WIPF3: variants seen among roughly 807,000 people sequenced by gnomAD.
WIPF3 encodes the protein WAS/WASL-interacting protein family member 3.
A neutral mutation model predicts 38.9 loss-of-function variants in WIPF3; 33 were observed. The observed-to-expected ratio is 0.85, with a 90% CI of 0.64 to 1.14. WIPF3 has a LOEUF of 1.14. WIPF3 is among the 50% of genes most tolerant of loss of function. The pLI is 0.00. For synonymous variants in WIPF3, 324 were observed against 269.3 expected (o/e 1.20, Z -1.99); for missense variants, 711 against 652.5 (o/e 1.09, Z -0.98).
chr7:29,817,511 A>G (rs1784474477), intron 1 of WIPF3, among the ~76,000 whole-genome samples: 1 of 152,264 alleles, frequency 6.6e-6, no homozygotes, highest in Non-Finnish European at 1.5e-5. Context: ...CTTGCAATTT[A>G]ATGTAAGGCA....
intron 4 of WIPF3, among the ~76,000 whole-genome samples, chr7:29,882,090 A>T (rs1471732871): frequency 6.6e-6 from 1 of 152,212 alleles, no homozygotes; most frequent in Non-Finnish European, 1.5e-5. Context: ...GCATGTTAGG[A>T]TAAAAATGAG....
chr7:29,902,144 C>A lies in WIPF3; in HGVS notation c.1352-2142C>A, dbSNP rs539118979. On this transcript the variant is annotated intron_variant, in intron 7 of 8. Transcript: ENST00000242140. ...TGTCAATAAAGCCAAGATTGCAGACCCCTGGCCTAGAAGGTCTTTCTGTAG... is the reference window on the plus strand; with the variant it reads ...TGTCAATAAAGCCAAGATTGCAGACACCTGGCCTAGAAGGTCTTTCTGTAG... Among the ~76,000 whole-genome samples the A allele has an allele frequency of 1.5e-3, 234 of 152,114 alleles. 2 individuals carry two copies. Among genetic ancestry groups the A allele is most frequent in the African/African-American group, 5.4e-3 (223 of 41,504 alleles).
rs1386012519 is a variant in WIPF3, at chr7:29,884,167, C to T, written c.673C>T (p.Pro225Ser). The T allele has an allele frequency of 1.3e-6, 2 of 1,529,240 alleles. No homozygotes were observed. The highest frequency in any genetic ancestry group is 2.5e-5 in the East Asian group (1 of 40,484). 94.7% of individuals were successfully genotyped at this position (1,529,240 alleles called of 1,614,324 possible). Residue 225 changes from proline to serine, a missense_variant, in exon 5 of 9, where the codon CCT (proline) becomes TCT (serine). Pro to Ser is a moderately conservative substitution (Grantham distance 74, BLOSUM62 -1). Transcript: ENST00000242140. Reference sequence around the variant, plus strand: ...ACCCCCCGTCCCCTGTGCGCCACCACCTCCACCTCCGCCACCTCCCCCAAC... The same window carrying T: ...ACCCCCCGTCCCCTGTGCGCCACCATCTCCACCTCCGCCACCTCCCCCAAC... Reference protein sequence around the residue: ...VAPPVPCAPPPPPPPPPPTPP... With the variant: ...VAPPVPCAPPSPPPPPPPTPP...
chr7:29,901,214 G>A (rs1346855790), intron 7 of WIPF3, among the ~76,000 whole-genome samples: 1 of 152,102 alleles, frequency 6.6e-6, no homozygotes, highest in Non-Finnish European at 1.5e-5. Context: ...AAGCCCTTCT[G>A]TGGGAAGGGA....
Position 29,884,487 on chromosome 7 carries a change from C to T in WIPF3, c.993C>T (p.Pro331=). The T allele has an allele frequency of 6.4e-7, 1 of 1,572,360 alleles. No homozygotes were observed. Among genetic ancestry groups the T allele is most frequent in the Non-Finnish European group, 8.6e-7 (1 of 1,160,008 alleles). Residue 331 remains proline (P), a synonymous_variant, in exon 5 of 9, where the codon CCC becomes CCT. Transcript: ENST00000242140. The stretch of plus-strand genomic sequence containing the variant: ...CACCCCCGCTACCCCCTAAATCCCC[C>T]AGCTTCCAGGCCCCACCGCAGAAGG... The part of the protein sequence containing the change: ...ETPPPLPPKS[P]SFQAPPQKAG...
intron 5 of WIPF3, among the ~76,000 whole-genome samples, chr7:29,886,080 TTTG>T (rs1444194354): frequency 1.3e-5 from 2 of 152,166 alleles, no homozygotes; most frequent in Admixed American, 6.5e-5. Flanking sequence ...GATTCCATTT[TTTG>T]TTATTATGAG....
chr7:29,854,763 C>T (rs1328115383), intron 2 of WIPF3, among the ~76,000 whole-genome samples: 2 of 152,152 alleles, frequency 1.3e-5, no homozygotes, highest in African/African-American at 4.8e-5. Flanking sequence ...ATTCCAATGT[C>T]GAAATCCTAA....
At chr7:29,861,599 A>G (rs1785277596) in intron 2 of WIPF3, among the ~76,000 whole-genome samples, 1 of 152,006 alleles carries the variant, frequency 6.6e-6, no homozygotes, top group African/African-American at 2.4e-5. Context: ...TTGTTTCTTT[A>G]TTATAGATAT....
At chr7:29,822,673 G>T (rs192582624) in intron 1 of WIPF3, among the ~76,000 whole-genome samples, 1 of 152,144 alleles carries the variant, frequency 6.6e-6, no homozygotes, top group Admixed American at 6.5e-5. Flanking sequence ...CAAATGTATC[G>T]TCTACAGCAT....
At chr7:29,872,419 C>CT (rs1322917293) in intron 2 of WIPF3, among the ~76,000 whole-genome samples, 3 of 152,164 alleles carry the variant, frequency 2.0e-5, no homozygotes, top group Admixed American at 1.3e-4. Context: ...TCTAAATATA[C>CT]TGTATATGGT....
At chr7:29,847,741 A>C (rs943113200) in intron 2 of WIPF3, among the ~76,000 whole-genome samples, 1 of 152,130 alleles carries the variant, frequency 6.6e-6, no homozygotes, top group African/African-American at 2.4e-5. Context: ...CAGGTCAGAT[A>C]ATTTCTTTAT....
At chr7:29,838,374 T>G (rs1176113425) in intron 2 of WIPF3, among the ~76,000 whole-genome samples, 1 of 152,198 alleles carries the variant, frequency 6.6e-6, no homozygotes, top group African/African-American at 2.4e-5. Flanking sequence ...ATGGCTTCAC[T>G]TCAAGTAATT....
chr7:29,840,117 A>C (rs1380716102), intron 2 of WIPF3, among the ~76,000 whole-genome samples: 1 of 152,170 alleles, frequency 6.6e-6, no homozygotes, highest in Non-Finnish European at 1.5e-5. Flanking sequence ...AGCTGGGCTC[A>C]TTCAGCCTCC....
chr7:29,907,627 A>C (rs1786423370), intron 8 of WIPF3, among the ~76,000 whole-genome samples: 1 of 152,212 alleles, frequency 6.6e-6, no homozygotes, highest in Non-Finnish European at 1.5e-5. Context: ...TAAAATAGGC[A>C]TGAGGGAGCT....
At chr7:29,838,848 G>A (rs2128066251) in intron 2 of WIPF3, among the ~76,000 whole-genome samples, 1 of 152,308 alleles carries the variant, frequency 6.6e-6, no homozygotes, top group African/African-American at 2.4e-5. Context: ...TTGATAAAAT[G>A]TGTGTTATGG....
intron 8 of WIPF3, among the ~76,000 whole-genome samples, chr7:29,906,669 T>C (rs995814084): frequency 6.6e-6 from 1 of 152,102 alleles, no homozygotes; most frequent in East Asian, 1.9e-4. Context: ...GGCATGAATA[T>C]AAACATCCAA....
Position 29,914,449 on chromosome 7 carries a change from A to T in WIPF3, c.1429-44A>T. 2.1e-6 allele frequency: 3 copies of T among 1,448,642 alleles called. No homozygotes were observed. The East Asian group carries it at 8.3e-5, about 40-fold the overall frequency. 89.7% of individuals were successfully genotyped at this position (1,448,642 alleles called of 1,614,324 possible). On this transcript the variant is annotated intron_variant, in intron 8 of 8. Coordinates refer to ENST00000242140, the MANE Select transcript of WIPF3 (RefSeq NM_001080529.3). ...GAGGAGGAAGGCTTTCATGTGCAAGAGTCTTCTAACTCCACCTGGTAATGT... is the reference window on the plus strand; with the variant it reads ...GAGGAGGAAGGCTTTCATGTGCAAGTGTCTTCTAACTCCACCTGGTAATGT...
intron 1 of WIPF3, among the ~76,000 whole-genome samples, chr7:29,814,582 G>A (rs1784428654): frequency 6.6e-6 from 1 of 152,174 alleles, no homozygotes; most frequent in Non-Finnish European, 1.5e-5. Context: ...ATTCACTTGG[G>A]TTGGATCTGA....
At chr7:29,902,267 TC>T (rs757127129) in intron 7 of WIPF3, among the ~76,000 whole-genome samples, 1,105 of 106,898 alleles carry the variant, frequency 0.01, 35 homozygotes, top group East Asian at 0.082. Context: ...TTCTTCTTCT[TC>T]TTCTTCTTTT....
Sources: gnomAD v4.1 joint callset for allele counts (sites outside exome capture counted in the v4.1 genomes callset) on GRCh38, gnomAD v4.1.1 for gene constraint, MANE v1.5 for transcripts, NCBI Gene and HGNC (gene_info 2026-07-23, HGNC 2026-07-21) for gene names.